Variants in DOCK7 observed in about 807,000 individuals in gnomAD.
DOCK7 encodes dedicator of cytokinesis protein 7.
In DOCK7, 138 loss-of-function variants were observed where a neutral mutation model predicts 271.0. The observed-to-expected ratio is 0.51, with a 90% CI of 0.44 to 0.59. DOCK7 has a LOEUF of 0.59. Among genes scored for constraint, DOCK7 ranks in the 20% least tolerant of loss-of-function variants. DOCK7 has a pLI of 0.00. For synonymous variants in DOCK7, 823 were observed against 876.1 expected, an observed-to-expected ratio of 0.94 and a Z score of 1.07; for missense variants, 2,066 against 2,592.4, an observed-to-expected ratio of 0.80 and a Z score of 4.41.
chr1:62,602,398 A>T (rs767751458), intron 14 of DOCK7: 4 of 1,596,390 alleles, frequency 2.5e-6, no homozygotes, highest in Middle Eastern at 3.3e-4. Context: ...GACTACATTC[A>T]ATCATTCATT....
chr1:62,515,516 T>A (rs1028246333), intron 31 of DOCK7, among the ~76,000 whole-genome samples: 16 of 152,320 alleles, frequency 1.1e-4, no homozygotes, highest in African/African-American at 3.8e-4. Flanking sequence ...AAAAAATTAT[T>A]CTCATCTTGA....
rs960432445 is a variant in DOCK7 at position 62,513,597 on chromosome 1, C to T, written c.4129G>A (p.Val1377Met). Residue 1377 changes from valine (V) to methionine (M), a missense_variant, in exon 33 of 50, where the codon GTG becomes ATG. Transcript: ENST00000635253. ...VSCFEYKGKK[V>M]FERMNSLTFK... ...GTCAAGCTATTCATTCGTTCAAACACTTTTTTCCCCTAAAATGTAAACATT... is the reference window on the plus strand; with the variant it reads ...GTCAAGCTATTCATTCGTTCAAACATTTTTTTCCCCTAAAATGTAAACATT... 3.7e-6 allele frequency: 6 copies of T among 1,611,322 alleles called. No individual in the cohort carries two copies. The highest frequency in any genetic ancestry group is 3.4e-5 in the Admixed American group (2 of 59,230).
intron 13 of DOCK7, among the ~76,000 whole-genome samples, chr1:62,619,223 T>TA (rs1196397528): frequency 6.6e-6 from 1 of 152,200 alleles, no homozygotes; most frequent in African/African-American, 2.4e-5. Flanking sequence ...TTAGCAAACT[T>TA]TAAGACATTT....
intron 14 of DOCK7, among the ~76,000 whole-genome samples, chr1:62,593,052 C>T (rs1648693295): frequency 6.6e-6 from 1 of 152,152 alleles, no homozygotes; most frequent in Non-Finnish European, 1.5e-5. Context: ...GACGTGGTAA[C>T]TCTATAGACA....
Position 62,602,354 on chromosome 1 carries a change from A to G in DOCK7, c.1683-15730T>C. 3 of 1,610,994 alleles carry G rather than the reference A, an allele frequency of 1.9e-6. No individual in the cohort carries two copies. In the South Asian group the frequency reaches 3.3e-5, roughly 18 times the overall value. On this transcript the variant is annotated intron_variant, in intron 14 of 49. Transcript: ENST00000635253. ...AACTTCAATGAAACGTGGGAGAACT[A>G]CAAATATGGTTTTGGGAGGCTTGAT...
At chr1:62,648,658 A>G (rs1571897081) in intron 4 of DOCK7, 114 bp from the exon 5 acceptor site, 1 of 544,010 alleles carries the variant, frequency 1.8e-6, no homozygotes, top group Non-Finnish European at 2.9e-6. Context: ...TCTTTATGTA[A>G]TAAGAATCTA....
At chr1:62,656,945 C>G (rs1044470972) in intron 2 of DOCK7, among the ~76,000 whole-genome samples, 3 of 152,144 alleles carry the variant, frequency 2.0e-5, no homozygotes, top group Admixed American at 2.0e-4. Flanking sequence ...CAAGGCATCC[C>G]AACTCTCCCC....
chr1:62,626,958 A>G (rs1215145411), intron 11 of DOCK7, among the ~76,000 whole-genome samples: 2 of 152,152 alleles, frequency 1.3e-5, no homozygotes, highest in Non-Finnish European at 2.9e-5. Context: ...ACAGACTAAT[A>G]TACCTTATGA....
intron 11 of DOCK7, 152 bp downstream of exon 11, chr1:62,631,088 G>A (rs1477333613): frequency 1.8e-6 from 1 of 546,742 alleles, no homozygotes; most frequent in South Asian, 3.2e-5. Flanking sequence ...AGGAGGCTGA[G>A]GCAGGAGAAT....
At chr1:62,592,325 C>T (rs546685338) in intron 14 of DOCK7, among the ~76,000 whole-genome samples, 90 of 151,924 alleles carry the variant, frequency 5.9e-4, no homozygotes, top group Non-Finnish European at 9.1e-4. Flanking sequence ...AATCTCTCAT[C>T]AAAATAAATT....
rs577182439 is a variant in DOCK7, at chr1:62,598,715, A to G, written c.1683-12091T>C. On this transcript the variant is annotated intron_variant, in intron 14 of 49. Coordinates refer to ENST00000635253, the MANE Select transcript of DOCK7 (RefSeq NM_001367561.1). ...ATCCAGACTTTTGTAGAAAAACAAG[A>G]TAATAGCATCAAAGACCTTCTCCAG... is the stretch of plus-strand genomic sequence containing the variant. The G allele has an allele frequency of 2.5e-6, 4 of 1,609,178 alleles. No individual in the cohort carries two copies. Among genetic ancestry groups the G allele is most frequent in the South Asian group, 1.1e-5 (1 of 90,960 alleles).
chr1:62,599,311 C>T (rs1649760273), intron 14 of DOCK7, among the ~76,000 whole-genome samples: 1 of 151,994 alleles, frequency 6.6e-6, no homozygotes, highest in Non-Finnish European at 1.5e-5. Flanking sequence ...ACCTCAAAGC[C>T]TTTGCCCTTG....
At chr1:62,546,902 G>A (rs182219989) in intron 22 of DOCK7, among the ~76,000 whole-genome samples, 2 of 152,152 alleles carry the variant, frequency 1.3e-5, no homozygotes, top group East Asian at 1.9e-4. Flanking sequence ...GTATAAAAGT[G>A]TAAAGTTCTT....
intron 14 of DOCK7, among the ~76,000 whole-genome samples, chr1:62,591,839 A>C (rs1221208907): frequency 2.0e-5 from 3 of 152,166 alleles, no homozygotes; most frequent in Non-Finnish European, 2.9e-5. Context: ...TCATTTATGT[A>C]TTACTTCTTA....
At chr1:62,456,278 A>G (rs1440124822) in intron 49 of DOCK7, among the ~76,000 whole-genome samples, 2 of 152,224 alleles carry the variant, frequency 1.3e-5, no homozygotes, top group Non-Finnish European at 2.9e-5. Flanking sequence ...ATAAACCAGC[A>G]AAATTAAAAA....
intron 40 of DOCK7, among the ~76,000 whole-genome samples, chr1:62,493,257 G>C (rs1446049767): frequency 1.3e-5 from 2 of 152,012 alleles, no homozygotes; most frequent in Non-Finnish European, 2.9e-5. Context: ...AAAAAAGTCA[G>C]GTATAATAAA....
At chr1:62,681,267 C>T (rs1489310806) in intron 1 of DOCK7, among the ~76,000 whole-genome samples, 1 of 151,306 alleles carries the variant, frequency 6.6e-6, no homozygotes, top group Non-Finnish European at 1.5e-5. Context: ...CCATCATTCT[C>T]AGCAAACTAT....
intron 14 of DOCK7, among the ~76,000 whole-genome samples, chr1:62,587,603 A>G (rs1410198748): frequency 1.3e-5 from 2 of 152,200 alleles, no homozygotes; most frequent in African/African-American, 4.8e-5. Flanking sequence ...AAAATTATAA[A>G]GAAACACAAC....
chr1:62,488,817 G>C, intron 42 of DOCK7, 117 bp downstream of exon 42: 2 of 1,320,494 alleles, frequency 1.5e-6, no homozygotes, highest in South Asian at 1.2e-5. Flanking sequence ...CCGCTCATTT[G>C]TAGTCTGATT....
Sources: gnomAD v4.1 joint callset for allele counts (sites outside exome capture counted in the v4.1 genomes callset) on GRCh38, gnomAD v4.1.1 for gene constraint, MANE v1.5 for transcripts, NCBI Gene and HGNC (gene_info 2026-07-23, HGNC 2026-07-21) for gene names.